Variants in MYH7B observed in about 807,000 individuals in gnomAD.
The protein encoded by MYH7B is myosin heavy chain 7B, also known as myosin-7B.
MYH7B carries 205 observed loss-of-function variants against 234.5 expected under a neutral mutation model. That is an observed-to-expected ratio of 0.87 (90% CI 0.78 to 0.98). The LOEUF (loss-of-function observed/expected upper bound fraction) is 0.98, where lower values mean the gene tolerates loss of function less well. MYH7B is among the 50% of genes least tolerant of loss of function. MYH7B has a pLI of 0.00. For missense variants in MYH7B, 2,652 were observed against 2,633.4 expected, an observed-to-expected ratio of 1.01 and a Z score of -0.15; for synonymous variants, 1,193 against 1,105.0, an observed-to-expected ratio of 1.08 and a Z score of -1.58.
chr20:34,981,231 C>T (rs2081936889), intron 9 of MYH7B, 171 bp downstream of exon 9: 1 of 750,564 alleles, frequency 1.3e-6, no homozygotes, highest in African/African-American at 1.8e-5. Flanking sequence ...CTTTCCCTGC[C>T]CCCATTCTGA....
At chr20:34,980,837 A>C in intron 8 of MYH7B, 103 bp downstream of exon 8, 1 of 1,526,800 alleles carries the variant, frequency 6.5e-7, no homozygotes, top group Non-Finnish European at 8.9e-7. Context: ...CCCCCTTTTG[A>C]CGCTGCTGGA....
Position 34,999,229 on chromosome 20 carries a change from A to G in MYH7B, c.4364A>G (p.His1455Arg). 1 of 1,610,720 alleles carries G rather than the reference A, an allele frequency of 6.2e-7. No individual in the cohort carries two copies. Among genetic ancestry groups the G allele is most frequent in the Non-Finnish European group, 8.5e-7 (1 of 1,178,732 alleles). ...GCTGCGCTGGACAAGAAGCAGCGGC[A>G]CTTGGAACGGGCACTGGAGGAACGG... is the stretch of plus-strand genomic sequence containing the variant. Residue 1455 changes from histidine (H) to arginine (R), a missense_variant, in exon 36 of 45, where the codon CAC (histidine) becomes CGC (arginine). His to Arg is a conservative substitution (Grantham distance 29). This residue lies in a region of MYH7B where 2,279 missense variants were observed against 2,211.4 expected (regional missense o/e 1.03). Coordinates refer to ENST00000262873, the Ensembl canonical transcript of MYH7B.
intron 34 of MYH7B, 31 bp downstream of exon 34, chr20:34,998,660 C>T: frequency 6.2e-7 from 1 of 1,612,298 alleles, no homozygotes. Context: ...ATGGAGTGGG[C>T]AGGTGGGCAC....
intron 2 of MYH7B, among the ~76,000 whole-genome samples, chr20:34,966,774 A>G (rs1354222567): frequency 6.6e-6 from 1 of 152,148 alleles, no homozygotes; most frequent in Non-Finnish European, 1.5e-5. Context: ...TAAGAAATGA[A>G]ATTTGGCTAG....
At position 34,995,561 on chromosome 20, in the gene MYH7B, C is replaced by T. The variant is rs776859997; in HGVS notation, c.2926C>T (p.Gln976Ter). 3 of 1,613,208 alleles carry T rather than the reference C, an allele frequency of 1.9e-6. No individual in the cohort carries two copies. In the African/African-American group the frequency reaches 4.0e-5, roughly 22 times the overall value. ...ACTGGCCAAAGCTGAGAAGGAGAAG[C>T]AAGCCACTGAGAACAAGGTGTGGGC... The change falls in exon 28 of 45, where the codon CAA becomes TAA. Residue 976 changes from glutamine to a stop codon, truncating the protein, a stop_gained. Coordinates refer to ENST00000262873, the Ensembl canonical transcript of MYH7B. LOFTEE classifies it high-confidence loss of function.
chr20:34,988,291 G>A (rs576313261), intron 19 of MYH7B, 29 bp downstream of exon 19: 8 of 1,600,134 alleles, frequency 5.0e-6, no homozygotes, highest in Admixed American at 1.7e-5. Context: ...TCACTTTGAG[G>A]AAGGGAGGGT....
chr20:34,994,538 C>G (rs2147222594), intron 27 of MYH7B, 137 bp downstream of exon 27: 1 of 1,112,114 alleles, frequency 9.0e-7, no homozygotes, highest in East Asian at 2.7e-5. Context: ...GATGAGGCCT[C>G]CATGTCCCAG....
rs748642733 is a variant in MYH7B at position 35,001,986 on chromosome 20, G to A, written c.5715G>A (p.Lys1905=). The A allele has an allele frequency of 1.1e-5, 17 of 1,613,858 alleles. No individual in the cohort carries two copies. The East Asian group carries it at 3.6e-4, about 34-fold the overall frequency. ...ACACCAACCTGGCCAAGTATCGCAA[G>A]GCCCAGCACGAGCTGGATGATGCGG... Residue 1905 remains lysine (K), a synonymous_variant, in exon 44 of 45, where the codon AAG becomes AAA. Transcript: ENST00000262873.
At chr20:34,999,323 C>A (rs777248100) in exon 36 of MYH7B, 1 of 1,570,792 alleles carries the variant, frequency 6.4e-7, no homozygotes, top group Admixed American at 1.9e-5. Flanking sequence ...GCCTGGGCAC[C>A]GAGCTCTTCC....
chr20:34,986,976 T>A lies in MYH7B; in HGVS notation c.995T>A (p.Leu332His), dbSNP rs1165091601. The A allele has an allele frequency of 1.9e-6, 3 of 1,613,626 alleles. No homozygotes were observed. In the Admixed American group the frequency reaches 5.0e-5, roughly 27 times the overall value. ...GACAACATGAATGATGGGGAGGAGCTCATCGCCACCGACGTATGAGCTCTG... is the reference window on the plus strand; with the variant it reads ...GACAACATGAATGATGGGGAGGAGCACATCGCCACCGACGTATGAGCTCTG... The change falls in exon 15 of 45, where the codon CTC becomes CAC. Residue 332 changes from leucine to histidine, a missense_variant. By Grantham distance (99) the Leu-to-His change is moderately conservative. This residue lies in a region of MYH7B where 2,279 missense variants were observed against 2,211.4 expected (regional missense o/e 1.03). Transcript: ENST00000262873.
chr20:34,993,430 C>G (rs201533475), exon 26 of MYH7B: 3 of 1,610,582 alleles, frequency 1.9e-6, no homozygotes, highest in Non-Finnish European at 2.5e-6. Context: ...GAGCCGTGGC[C>G]GCCTCATGCG....
At chr20:34,969,984 G>T (rs933722737) in intron 2 of MYH7B, among the ~76,000 whole-genome samples, 1 of 152,128 alleles carries the variant, frequency 6.6e-6, no homozygotes, top group African/African-American at 2.4e-5. Flanking sequence ...GCACTAGGAG[G>T]TAGGTCCTGT....
At position 35,000,462 on chromosome 20, in the gene MYH7B, C is replaced by T. The variant is rs748380237; in HGVS notation, c.4951C>T (p.Arg1651Trp). The T allele has an allele frequency of 2.2e-5, 36 of 1,601,776 alleles. No homozygotes were observed. Among genetic ancestry groups the T allele is most frequent in the Middle Eastern group, 1.9e-4 (1 of 5,338 alleles). ...GGCCACAGAGGCCCAGGCTGCCACG[C>T]GGCTGATGCAGGCACAGCTCAAGGA... is the stretch of plus-strand genomic sequence containing the variant. The change falls in exon 39 of 45, where the codon CGG (arginine) becomes TGG (tryptophan). Residue 1651 changes from arginine to tryptophan, a missense_variant. Physicochemically the swap from Arg to Trp is moderately radical, Grantham distance 101. Transcript: ENST00000262873.
intron 32 of MYH7B, among the ~76,000 whole-genome samples, chr20:34,997,936 AT>A (rs2082295131): frequency 6.6e-6 from 1 of 152,044 alleles, no homozygotes; most frequent in Admixed American, 6.6e-5. Context: ...CTCTGACTTA[AT>A]ACCTGTCCTC....
chr20:34,997,259 GGAGGAGCTGGAA>G (rs750497146), exon 32 of MYH7B: 19 of 1,558,274 alleles, frequency 1.2e-5, no homozygotes, highest in African/African-American at 1.1e-4. Flanking sequence ...AGGCTCGGGC[GGAGGAGCTGGAA>G]GAGGAGCTGG....
At position 34,991,102 on chromosome 20, in the gene MYH7B, TACACC is replaced by T; in HGVS notation, c.2165_2169del (p.Tyr722Ter). ...CCAAGGGTTCCCCAACAGGTTGCTC[TACACC>T]GACTTCCGGCAGCGGTGGGTGACCC... On this transcript the variant is annotated frameshift_variant, in exon 24 of 45. Coordinates refer to ENST00000262873, the Ensembl canonical transcript of MYH7B. LOFTEE classifies it high-confidence loss of function. 1 of 1,611,166 alleles carries T rather than the reference TACACC, an allele frequency of 6.2e-7. No homozygotes were observed. Among genetic ancestry groups the T allele is most frequent in the Non-Finnish European group, 8.5e-7 (1 of 1,178,442 alleles).
intron 28 of MYH7B, among the ~76,000 whole-genome samples, chr20:34,996,050 C>T (rs529319903): frequency 1.6e-3 from 229 of 145,126 alleles, no homozygotes; most frequent in South Asian, 3.6e-3. Flanking sequence ...CTGAGGAAGC[C>T]GGGACTAGGA....
rs748695626 is a variant in MYH7B at position 35,001,015 on chromosome 20, A to G, written c.5332A>G (p.Lys1778Glu). The change falls in exon 41 of 45, where the codon AAG becomes GAG. Residue 1778 changes from lysine to glutamate, a missense_variant. Transcript: ENST00000262873. ...GGCCATGATGGCCGAGGAGCTGAAG[A>G]AGGAGCAGGACACAAGTGCACACCT... 37 of 1,613,758 alleles carry G rather than the reference A, an allele frequency of 2.3e-5. No homozygotes were observed. The East Asian group carries it at 2.5e-4, about 11-fold the overall frequency.
chr20:35,001,248 CGGGAGCTGGA>C lies in MYH7B; in HGVS notation c.5482_5491del (p.Glu1828LeufsTer130), dbSNP rs765093429. The C allele has an allele frequency of 1.9e-6, 3 of 1,609,726 alleles. No homozygotes were observed. Among genetic ancestry groups the C allele is most frequent in the Non-Finnish European group, 2.5e-6 (3 of 1,177,518 alleles). On this transcript the variant is annotated frameshift_variant, in exon 42 of 45. Transcript: ENST00000262873. LOFTEE classifies it high-confidence loss of function. ...CAGGCTGTCCCCCTGCCTGCAGGTA[CGGGAGCTGGA>C]GGCTGAGCTTGATGCAGAGCAGAAG...
Sources: allele counts gnomAD v4.1 joint callset (sites outside exome capture counted in the v4.1 genomes callset), GRCh38; gene constraint gnomAD v4.1.1; regional missense constraint gnomAD v4.1.1; transcripts MANE v1.5; gene names NCBI Gene and HGNC (gene_info 2026-07-23, HGNC 2026-07-21).